Variants in NXPE2 observed in about 807,000 individuals in gnomAD.
NXPE2 encodes neurexophilin and PC-esterase domain family member 2.
A neutral mutation model predicts 34.4 loss-of-function variants in NXPE2; 34 were observed. The observed-to-expected ratio is 0.99, with a 90% CI of 0.75 to 1.31. The LOEUF (loss-of-function observed/expected upper bound fraction) is 1.31. NXPE2 is among the 40% of genes most tolerant of loss of function. NXPE2 has a pLI of 0.00. For synonymous variants in NXPE2, 235 were observed against 231.3 expected (o/e 1.02, Z -0.15); for missense variants, 649 against 672.5 (o/e 0.97, Z 0.39).
the NXPE2 span, among the ~76,000 whole-genome samples, chr11:114,513,827 A>G: frequency 2.6e-5 from 4 of 152,178 alleles, no homozygotes; most frequent in South Asian, 6.2e-4. Context: ...AGGAAAAATC[A>G]TAATGAAAAA....
the NXPE2 span, among the ~76,000 whole-genome samples, chr11:114,760,394 G>T: frequency 6.6e-6 from 1 of 152,174 alleles, no homozygotes; most frequent in Admixed American, 6.6e-5. Context: ...TCTGTTGTTT[G>T]TAAGCCATCT....
the NXPE2 span, among the ~76,000 whole-genome samples, chr11:114,465,168 C>T: frequency 6.6e-6 from 1 of 152,118 alleles, no homozygotes; most frequent in Admixed American, 6.5e-5. Flanking sequence ...TCCAGTGGTT[C>T]TACTTCTAGA....
chr11:114,519,510 T>C, the NXPE2 span, among the ~76,000 whole-genome samples: 1 of 152,240 alleles, frequency 6.6e-6, no homozygotes, highest in Admixed American at 6.5e-5. Context: ...ATACATGTTT[T>C]TGTTTCTTTT....
At chr11:114,581,425 G>C in the NXPE2 span, among the ~76,000 whole-genome samples, 2 of 152,174 alleles carry the variant, frequency 1.3e-5, no homozygotes, top group African/African-American at 2.4e-5. Flanking sequence ...GTGAGGTAAA[G>C]AAGTGGGTAT....
At chr11:114,557,653 AT>A in the NXPE2 span, among the ~76,000 whole-genome samples, 9 of 62,076 alleles carry the variant, frequency 1.4e-4, no homozygotes, top group South Asian at 3.6e-3. Flanking sequence ...ATATATATAT[AT>A]ATATATATAT....
At chr11:114,500,158 G>T in the NXPE2 span, among the ~76,000 whole-genome samples, 1 of 151,660 alleles carries the variant, frequency 6.6e-6, no homozygotes, top group Non-Finnish European at 1.5e-5. Context: ...TGGGCCAAGG[G>T]GTATGGTTAA....
chr11:114,609,540 C>T, the NXPE2 span, among the ~76,000 whole-genome samples: 23,643 of 151,640 alleles, frequency 0.16, 1,971 homozygotes, highest in South Asian at 0.22. Context: ...CCACTGTTAC[C>T]CAATGGATAA....
intron 2 of NXPE2, among the ~76,000 whole-genome samples, chr11:114,691,145 T>A (rs574076699): frequency 6.6e-6 from 1 of 152,314 alleles, no homozygotes; most frequent in South Asian, 2.1e-4. Context: ...GATGAAACAC[T>A]CTGGTTTTTT....
Position 114,696,882 on chromosome 11 carries a change from C to T in NXPE2, c.133-1163C>T, listed in dbSNP as rs922786457. On this transcript the variant is annotated intron_variant, in intron 2 of 5. Transcript: ENST00000389586. The stretch of plus-strand genomic sequence containing the variant: ...GCCTGAAACCGCAGATAGTACCAAA[C>T]GCTATACAGTGTAAATGCTGTTTTT... 4.6e-5 allele frequency among the ~76,000 whole-genome samples: 7 copies of T among 152,144 alleles called. No individual in the cohort carries two copies. In the South Asian group the frequency reaches 6.2e-4, roughly 13 times the overall value.
At chr11:114,639,214 T>A in the NXPE2 span, among the ~76,000 whole-genome samples, 1 of 151,866 alleles carries the variant, frequency 6.6e-6, no homozygotes, top group Admixed American at 6.6e-5. Context: ...TTCAGTTTGA[T>A]CTCAGACTGC....
the NXPE2 span, among the ~76,000 whole-genome samples, chr11:114,774,766 G>T: frequency 6.6e-6 from 1 of 152,034 alleles, no homozygotes; most frequent in Non-Finnish European, 1.5e-5. Context: ...TCAAGCCCGA[G>T]CTCCTGCAAG....
chr11:114,799,176 A>G, the NXPE2 span, among the ~76,000 whole-genome samples: 2 of 152,066 alleles, frequency 1.3e-5, no homozygotes, highest in African/African-American at 4.8e-5. Context: ...TCCTATTGAT[A>G]GAGAAGAGAA....
the NXPE2 span, among the ~76,000 whole-genome samples, chr11:114,762,480 C>T: frequency 6.6e-6 from 1 of 152,122 alleles, no homozygotes; most frequent in African/African-American, 2.4e-5. Flanking sequence ...TTTCCATACA[C>T]CATAATTACA....
chr11:114,577,613 T>C, the NXPE2 span, among the ~76,000 whole-genome samples: 1 of 152,288 alleles, frequency 6.6e-6, no homozygotes, highest in Middle Eastern at 3.4e-3. Context: ...CGCCACCTTA[T>C]AGAATCATGT....
At chr11:114,564,174 C>T in the NXPE2 span, among the ~76,000 whole-genome samples, 1 of 152,070 alleles carries the variant, frequency 6.6e-6, no homozygotes, top group South Asian at 2.1e-4. Context: ...AGAGTCGAAG[C>T]CTATTATTCT....
At chr11:114,564,046 A>G in the NXPE2 span, among the ~76,000 whole-genome samples, 1 of 152,184 alleles carries the variant, frequency 6.6e-6, no homozygotes, top group Non-Finnish European at 1.5e-5. Flanking sequence ...AAAATATGGA[A>G]CCAGCCCAAA....
the NXPE2 span, chr11:114,584,221 G>A: frequency 2.5e-6 from 1 of 402,894 alleles, no homozygotes. Flanking sequence ...TCTGGATATG[G>A]AGATCCCTAA....
the NXPE2 span, among the ~76,000 whole-genome samples, chr11:114,508,883 C>CA: frequency 0.61 from 92,787 of 151,984 alleles, 29,771 homozygotes; most frequent in African/African-American, 0.82. Context: ...GCAACAAAAG[C>CA]AAAATTGACA....
At chr11:114,636,415 T>G in the NXPE2 span, among the ~76,000 whole-genome samples, 1 of 152,124 alleles carries the variant, frequency 6.6e-6, no homozygotes. Flanking sequence ...AAAAACCAGC[T>G]CCTGGATTCG....
Sources: gnomAD v4.1 joint callset for allele counts (sites outside exome capture counted in the v4.1 genomes callset) on GRCh38, gnomAD v4.1.1 for gene constraint, MANE v1.5 for transcripts, NCBI Gene and HGNC (gene_info 2026-07-23, HGNC 2026-07-21) for gene names.